Variants in GRIK2 observed in about 807,000 individuals in gnomAD.
GRIK2 encodes the protein glutamate receptor ionotropic, kainate 2.
In GRIK2, 32 loss-of-function variants were observed where a neutral mutation model predicts 100.3. The ratio of observed to expected loss-of-function variants is 0.32; its 90% CI spans 0.24 to 0.43. GRIK2 has a LOEUF of 0.43. Ranked by LOEUF, GRIK2 falls within the 20% of genes least tolerant of loss-of-function variation. The pLI, the probability that GRIK2 is intolerant of heterozygous loss-of-function variation, is 1.00. For synonymous variants in GRIK2, 417 were observed against 389.4 expected, an observed-to-expected ratio of 1.07 and a Z score of -0.83; for missense variants, 843 against 1,114.9, an observed-to-expected ratio of 0.76 and a Z score of 3.47.
chr6:102,008,313 C>T (rs1582712498), intron 14 of GRIK2, among the ~76,000 whole-genome samples: 1 of 152,066 alleles, frequency 6.6e-6, no homozygotes, highest in East Asian at 1.9e-4. Context: ...GGCAACAGAA[C>T]AGAGAGGGTA....
intron 14 of GRIK2, among the ~76,000 whole-genome samples, chr6:102,000,803 C>G (rs184636435): frequency 6.6e-6 from 1 of 152,008 alleles, no homozygotes; most frequent in Admixed American, 6.6e-5. Flanking sequence ...TAGTTTAAGC[C>G]TGATAAATTT....
At chr6:101,650,907 A>C (rs1449129635) in intron 4 of GRIK2, among the ~76,000 whole-genome samples, 2 of 152,064 alleles carry the variant, frequency 1.3e-5, no homozygotes, top group Non-Finnish European at 2.9e-5. Flanking sequence ...TGCATTAAAC[A>C]AAAGACCCAT....
chr6:101,459,739 A>G, intron 2 of GRIK2, among the ~76,000 whole-genome samples: 1 of 151,230 alleles, frequency 6.6e-6, no homozygotes, highest in African/African-American at 2.4e-5. Context: ...ACCTCATTTT[A>G]TTGTACTCTG....
chr6:101,486,849 A>G (rs1304027917), intron 2 of GRIK2, among the ~76,000 whole-genome samples: 1 of 147,000 alleles, frequency 6.8e-6, no homozygotes, highest in Non-Finnish European at 1.5e-5. Context: ...AAATAGCACC[A>G]AGTCCTGACA....
At chr6:101,912,627 G>A (rs1202650959) in intron 12 of GRIK2, among the ~76,000 whole-genome samples, 1 of 151,540 alleles carries the variant, frequency 6.6e-6, no homozygotes, top group African/African-American at 2.4e-5. Context: ...GTTTCATGAA[G>A]AGATCTGTTG....
chr6:101,477,977 T>A (rs960460865), intron 2 of GRIK2, among the ~76,000 whole-genome samples: 3 of 152,192 alleles, frequency 2.0e-5, no homozygotes, highest in African/African-American at 7.2e-5. Flanking sequence ...ATATACTGTC[T>A]GTGCCAGACA....
intron 4 of GRIK2, among the ~76,000 whole-genome samples, chr6:101,649,932 A>G (rs1320995747): frequency 6.6e-6 from 1 of 152,120 alleles, no homozygotes; most frequent in East Asian, 1.9e-4. Context: ...AAAGGAGATC[A>G]GTAAAAGCCA....
intron 7 of GRIK2, among the ~76,000 whole-genome samples, chr6:101,729,586 C>G (rs1186938914): frequency 6.6e-6 from 1 of 151,720 alleles, no homozygotes; most frequent in African/African-American, 2.4e-5. Flanking sequence ...TAGTAAATGT[C>G]CTTATTTACT....
intron 10 of GRIK2, among the ~76,000 whole-genome samples, chr6:101,824,986 G>T (rs545174456): frequency 1.3e-5 from 2 of 152,178 alleles, no homozygotes; most frequent in South Asian, 2.1e-4. Flanking sequence ...TTTTTCTAAG[G>T]CTTCAAATCT....
chr6:101,397,486 G>T (rs1017948791), intron 1 of GRIK2, among the ~76,000 whole-genome samples: 22 of 152,166 alleles, frequency 1.4e-4, no homozygotes, highest in African/African-American at 4.6e-4. Context: ...CTGCTATACT[G>T]CAGAACTAGC....
intron 9 of GRIK2, among the ~76,000 whole-genome samples, chr6:101,815,261 ATCT>A (rs1309400173): frequency 1.3e-5 from 2 of 152,194 alleles, no homozygotes; most frequent in African/African-American, 4.8e-5. Context: ...GTTTAAATTG[ATCT>A]TCTTCTTATA....
intron 7 of GRIK2, among the ~76,000 whole-genome samples, chr6:101,710,542 A>G (rs1308276706): frequency 6.6e-6 from 1 of 151,880 alleles, no homozygotes; most frequent in Non-Finnish European, 1.5e-5. Flanking sequence ...TCTCTTTTGT[A>G]AATATTTTTG....
intron 7 of GRIK2, chr6:101,745,092 TA>T (rs1776343885): frequency 6.6e-6 from 1 of 152,222 alleles, no homozygotes; most frequent in Non-Finnish European, 1.5e-5. Context: ...GTAAAAAATT[TA>T]TTAAATGAAT....
chr6:101,435,056 AT>A (rs1441616721), intron 2 of GRIK2, among the ~76,000 whole-genome samples: 1 of 151,998 alleles, frequency 6.6e-6, no homozygotes, highest in African/African-American at 2.4e-5. Context: ...TAGAGTTATT[AT>A]TTTTTTCTTT....
intron 12 of GRIK2, among the ~76,000 whole-genome samples, chr6:101,906,366 C>G (rs200116673): frequency 1.4e-5 from 2 of 145,836 alleles, no homozygotes; most frequent in African/African-American, 5.0e-5. Context: ...AAAACAAGAT[C>G]TGTGTGTGTG....
At chr6:101,693,887 A>G (rs1253967602) in intron 7 of GRIK2, among the ~76,000 whole-genome samples, 1 of 152,032 alleles carries the variant, frequency 6.6e-6, no homozygotes, top group East Asian at 1.9e-4. Context: ...TTGGGGTGGC[A>G]TATCCTGAAC....
intron 7 of GRIK2, among the ~76,000 whole-genome samples, chr6:101,703,717 G>A (rs1773057294): frequency 6.6e-6 from 1 of 151,404 alleles, no homozygotes; most frequent in South Asian, 2.1e-4. Context: ...TTCCAGTAGA[G>A]AAGGAAAAAA....
At chr6:101,501,046 G>A (rs77660830) in intron 2 of GRIK2, among the ~76,000 whole-genome samples, 2,120 of 152,108 alleles carry the variant, frequency 0.014, 47 homozygotes, top group African/African-American at 0.048. Context: ...TAATTATAAT[G>A]CTGAATTACT....
chr6:101,783,837 T>A (rs559415112), intron 7 of GRIK2, among the ~76,000 whole-genome samples: 2 of 152,180 alleles, frequency 1.3e-5, no homozygotes, highest in African/African-American at 4.8e-5. Context: ...GAACTTGAGA[T>A]AGATTATTTA....
Sources: allele counts gnomAD v4.1 joint callset (sites outside exome capture counted in the v4.1 genomes callset), GRCh38; gene constraint gnomAD v4.1.1; transcripts MANE v1.5; gene names NCBI Gene and HGNC (gene_info 2026-07-23, HGNC 2026-07-21).